The following GRIK2 variants were observed in gnomAD, a reference collection of about 807,000 sequenced individuals.
The protein encoded by GRIK2 is glutamate ionotropic receptor kainate type subunit 2.
A neutral mutation model predicts 100.3 loss-of-function variants in GRIK2; 32 were observed. That is an observed-to-expected ratio of 0.32 (90% CI 0.24 to 0.43). The LOEUF (loss-of-function observed/expected upper bound fraction) is 0.43, where lower values mean the gene tolerates loss of function less well. GRIK2 is among the 20% of genes least tolerant of loss of function. GRIK2 has a pLI of 1.00. For synonymous variants in GRIK2, 417 were observed against 389.4 expected, an observed-to-expected ratio of 1.07 and a Z score of -0.83; for missense variants, 843 against 1,114.9, an observed-to-expected ratio of 0.76 and a Z score of 3.47.
intron 7 of GRIK2, among the ~76,000 whole-genome samples, chr6:101,743,737 T>G (rs2128379220): frequency 6.6e-6 from 1 of 152,302 alleles, no homozygotes; most frequent in Non-Finnish European, 1.5e-5. Context: ...TTTTTCTTAC[T>G]TTAAAAATAA....
intron 14 of GRIK2, among the ~76,000 whole-genome samples, chr6:102,004,134 G>A (rs777843490): frequency 1.4e-4 from 21 of 148,976 alleles, no homozygotes; most frequent in East Asian, 4.0e-4. Flanking sequence ...TTCATACTCC[G>A]TTTTTGAGTT....
At chr6:101,561,291 A>T (rs1166973515) in intron 2 of GRIK2, among the ~76,000 whole-genome samples, 3 of 152,040 alleles carry the variant, frequency 2.0e-5, no homozygotes, top group Admixed American at 6.6e-5. Flanking sequence ...TCCAAGAAAA[A>T]TCATGAGGAA....
chr6:102,031,669 G>C lies in GRIK2; in HGVS notation c.2086-3672G>C, dbSNP rs116782269. On this transcript the variant is annotated intron_variant, in intron 14 of 16. Coordinates refer to ENST00000369134, the MANE Select transcript of GRIK2 (RefSeq NM_021956.5). Reference sequence around the variant, plus strand: ...GTCTATTGTTGCTATCTTTATGTCCGTGAATACTCAATGTTTAGCTCTCAT... The same window carrying C: ...GTCTATTGTTGCTATCTTTATGTCCCTGAATACTCAATGTTTAGCTCTCAT... Among the ~76,000 whole-genome samples the C allele has an allele frequency of 2.6e-5, 4 of 150,952 alleles. No individual in the cohort carries two copies. The Admixed American group carries it at 2.7e-4, about 10-fold the overall frequency.
intron 2 of GRIK2, among the ~76,000 whole-genome samples, chr6:101,476,427 G>A (rs946694731): frequency 1.1e-4 from 17 of 152,098 alleles, no homozygotes; most frequent in African/African-American, 4.1e-4. Flanking sequence ...TCATTGGTGG[G>A]AACTTTTCAA....
intron 4 of GRIK2, among the ~76,000 whole-genome samples, chr6:101,676,182 G>A (rs1475381839): frequency 6.6e-6 from 1 of 152,160 alleles, no homozygotes; most frequent in African/African-American, 2.4e-5. Context: ...TGGAAAAACA[G>A]TATTTCAAGC....
At chr6:101,642,366 A>G (rs62421389) in intron 4 of GRIK2, among the ~76,000 whole-genome samples, 55 of 151,748 alleles carry the variant, frequency 3.6e-4, no homozygotes, top group Non-Finnish European at 7.2e-4. Context: ...GCAAAACTAA[A>G]CTTTTGTATG....
intron 7 of GRIK2, among the ~76,000 whole-genome samples, chr6:101,769,852 G>C (rs1003730106): frequency 6.6e-6 from 1 of 152,112 alleles, no homozygotes; most frequent in African/African-American, 2.4e-5. Context: ...TTTTCAAAGA[G>C]AAAAAGCAGG....
intron 7 of GRIK2, among the ~76,000 whole-genome samples, chr6:101,706,758 A>G (rs1205807681): frequency 2.6e-5 from 4 of 151,910 alleles, no homozygotes; most frequent in Non-Finnish European, 5.9e-5. Context: ...GGAATTTTGT[A>G]CAGGAATGGT....
chr6:101,981,974 TAGATG>T (rs1793738950), intron 14 of GRIK2, among the ~76,000 whole-genome samples: 2 of 151,804 alleles, frequency 1.3e-5, no homozygotes, highest in Admixed American at 1.3e-4. Flanking sequence ...GCTGGTTAGA[TAGATG>T]GGAGGAAAAA....
At chr6:101,552,411 T>A (rs2852570) in intron 2 of GRIK2, among the ~76,000 whole-genome samples, 121,118 of 151,970 alleles carry the variant, frequency 0.8, 48,610 homozygotes, top group African/African-American at 0.87. Flanking sequence ...TATGGGACTC[T>A]TGTGGCATAT....
chr6:101,890,140 A>G (rs969339745), intron 12 of GRIK2: 6 of 261,122 alleles, frequency 2.3e-5, no homozygotes, highest in African/African-American at 1.3e-4. Context: ...CAATATGATA[A>G]ATGAATCATT....
intron 12 of GRIK2, among the ~76,000 whole-genome samples, chr6:101,906,140 A>G (rs1239225422): frequency 6.6e-6 from 1 of 151,692 alleles, no homozygotes; most frequent in Non-Finnish European, 1.5e-5. Flanking sequence ...CTTCTTTTGG[A>G]ATACATGTAC....
chr6:101,655,242 G>T (rs1320567929), intron 4 of GRIK2, among the ~76,000 whole-genome samples: 1 of 152,144 alleles, frequency 6.6e-6, no homozygotes, highest in Non-Finnish European at 1.5e-5. Context: ...CACATGGATT[G>T]CAGAATTTGT....
intron 2 of GRIK2, among the ~76,000 whole-genome samples, chr6:101,571,809 T>G (rs1777546866): frequency 6.6e-6 from 1 of 152,110 alleles, no homozygotes; most frequent in Admixed American, 6.6e-5. Context: ...ATTAATAATA[T>G]AAAAGTTAAA....
intron 2 of GRIK2, among the ~76,000 whole-genome samples, chr6:101,475,977 A>G (rs1255017367): frequency 6.6e-6 from 1 of 152,078 alleles, no homozygotes; most frequent in Non-Finnish European, 1.5e-5. Flanking sequence ...CCCATTTGAT[A>G]TGCTTAATCT....
intron 2 of GRIK2, among the ~76,000 whole-genome samples, chr6:101,572,987 C>A (rs1375696210): frequency 6.6e-6 from 1 of 151,812 alleles, no homozygotes; most frequent in African/African-American, 2.4e-5. Context: ...GCTGGGATTA[C>A]AGGTGCCTGC....
Position 101,592,324 on chromosome 6 carries a change from C to T in GRIK2, c.116-29625C>T, listed in dbSNP as rs930924020. Among the ~76,000 whole-genome samples, 12 of 151,750 alleles carry T rather than the reference C, an allele frequency of 7.9e-5. 1 individual carries two copies. Among genetic ancestry groups the T allele is most frequent in the Admixed American group, 7.2e-4 (11 of 15,178 alleles). On this transcript the variant is annotated intron_variant, in intron 2 of 16. Transcript: ENST00000369134. ...GAAATGGAAAAAAAGCAGGATTGGG[C>T]AAATGGAATGCTCCGAAGCTGTGAT... is the stretch of plus-strand genomic sequence containing the variant.
chr6:101,847,626 A>G (rs1019776503), intron 10 of GRIK2, among the ~76,000 whole-genome samples: 1 of 152,104 alleles, frequency 6.6e-6, no homozygotes, highest in African/African-American at 2.4e-5. Flanking sequence ...TTGGTTGTAT[A>G]TTGGGGCACT....
chr6:101,617,420 A>G (rs1397025112), intron 2 of GRIK2, among the ~76,000 whole-genome samples: 4 of 151,772 alleles, frequency 2.6e-5, no homozygotes. Context: ...ATGTTATTGC[A>G]TGTAGTTCTT....
Sources: gnomAD v4.1 joint callset for allele counts (sites outside exome capture counted in the v4.1 genomes callset) on GRCh38, gnomAD v4.1.1 for gene constraint, MANE v1.5 for transcripts, NCBI Gene and HGNC (gene_info 2026-07-23, HGNC 2026-07-21) for gene names.